Variants in DDX42 observed in about 807,000 individuals in gnomAD.
DDX42 encodes the protein ATP-dependent RNA helicase DDX42.
In DDX42, 22 loss-of-function variants were observed where a neutral mutation model predicts 101.5. That is an observed-to-expected ratio of 0.22 (90% confidence interval 0.15 to 0.31). The LOEUF is 0.31. Ranked by LOEUF, DDX42 falls within the 10% of genes least tolerant of loss-of-function variation. The pLI is 1.00. For synonymous variants in DDX42, 402 were observed against 401.2 expected, an observed-to-expected ratio of 1.00 and a Z score of -0.02; for missense variants, 849 against 1,199.9, an observed-to-expected ratio of 0.71 and a Z score of 4.32.
chr17:63,806,281 G>T, intron 7 of DDX42: 2 of 285,130 alleles, frequency 7.0e-6, no homozygotes, highest in Non-Finnish European at 1.3e-5. Context: ...AATTAATTTT[G>T]AGTTAAGAAA....
chr17:63,792,182 C>G (rs1265124113), intron 2 of DDX42, among the ~76,000 whole-genome samples: 1 of 152,098 alleles, frequency 6.6e-6, no homozygotes, highest in Non-Finnish European at 1.5e-5. Flanking sequence ...TGACTATACA[C>G]TATTGAAATG....
intron 15 of DDX42, among the ~76,000 whole-genome samples, chr17:63,814,226 A>G (rs778781311): frequency 1.3e-4 from 20 of 152,338 alleles, no homozygotes; most frequent in Admixed American, 9.8e-4. Context: ...GTGTGCTCCA[A>G]TCTAAAGCTA....
At chr17:63,776,309 T>G (rs2039420232) in intron 1 of DDX42, 1 of 152,312 alleles carries the variant, frequency 6.6e-6, no homozygotes, top group Non-Finnish European at 1.5e-5. Context: ...GTTCAGTCTT[T>G]CTCCCTGGAA....
chr17:63,818,312 A>G lies in DDX42; in HGVS notation c.2731A>G (p.Lys911Glu). 2.5e-6 allele frequency: 4 copies of G among 1,614,108 alleles called. No individual in the cohort carries two copies. Among genetic ancestry groups the G allele is most frequent in the Non-Finnish European group, 3.4e-6 (4 of 1,179,944 alleles). Residue 911 changes from lysine (K) to glutamate (E), a missense_variant, in exon 18 of 18, where the codon AAG becomes GAG. Lys to Glu is a moderately conservative substitution (Grantham distance 56). This residue lies in a region of DDX42 where 300 missense variants were observed against 304.9 expected (regional missense o/e 0.98). Transcript: ENST00000389924. ...CAAAGTGGACAGCAGCAAGATGGAC[A>G]AGGTGGACAGCAAGACAGATAAGAC... ...EPKVDSSKMDKVDSKTDKTAD... is the reference protein window; with the variant it reads ...EPKVDSSKMDEVDSKTDKTAD...
chr17:63,808,517 ATTGT>A (rs2039870003), intron 9 of DDX42, among the ~76,000 whole-genome samples: 1 of 152,018 alleles, frequency 6.6e-6, no homozygotes, highest in Non-Finnish European at 1.5e-5. Context: ...TGATATGGGG[ATTGT>A]TTGTATTATA....
intron 2 of DDX42, among the ~76,000 whole-genome samples, chr17:63,791,057 ATAAT>A (rs2039622326): frequency 1.3e-5 from 2 of 152,256 alleles, no homozygotes; most frequent in African/African-American, 4.8e-5. Flanking sequence ...AGCTTTTAAA[ATAAT>A]TCCTAGGAAG....
chr17:63,815,526 C>T, intron 15 of DDX42, 37 bp from the exon 16 acceptor site: 2 of 1,475,614 alleles, frequency 1.4e-6, no homozygotes, highest in South Asian at 1.2e-5. Flanking sequence ...TTCTTTTCTC[C>T]CTCCCTTGAC....
intron 16 of DDX42, chr17:63,815,955 A>T (rs1446009246): frequency 1.1e-5 from 2 of 184,658 alleles, no homozygotes; most frequent in Non-Finnish European, 2.2e-5. Flanking sequence ...GCACATGCAA[A>T]CTCATCCCCA....
At chr17:63,785,623 GAA>G (rs2039539408) in intron 1 of DDX42, among the ~76,000 whole-genome samples, 2 of 148,254 alleles carry the variant, frequency 1.3e-5, no homozygotes, top group African/African-American at 5.0e-5. Context: ...AAAAAAGAAA[GAA>G]AAGGTTTTTG....
At chr17:63,809,534 T>TA (rs1567743547) in intron 10 of DDX42, 26 bp from the exon 11 acceptor site, 1 of 1,590,884 alleles carries the variant, frequency 6.3e-7, no homozygotes, top group East Asian at 2.2e-5. Context: ...TAATTATACT[T>TA]ACTGTTCATT....
At chr17:63,795,876 T>C (rs1417842992) in intron 3 of DDX42, among the ~76,000 whole-genome samples, 2 of 152,226 alleles carry the variant, frequency 1.3e-5, no homozygotes, top group Non-Finnish European at 1.5e-5. Context: ...CCAAACCCCA[T>C]ATTCCTTATG....
At chr17:63,817,185 T>A in intron 17 of DDX42, 1 of 502,428 alleles carries the variant, frequency 2.0e-6, no homozygotes, top group Non-Finnish European at 3.5e-6. Context: ...GAGTCACACT[T>A]GGGGCCTGGG....
intron 2 of DDX42, among the ~76,000 whole-genome samples, chr17:63,790,761 A>G (rs2039617751): frequency 1.3e-5 from 2 of 152,214 alleles, no homozygotes; most frequent in Middle Eastern, 6.8e-3. Context: ...CTCCATCTCA[A>G]AAACAAAAAG....
chr17:63,789,952 G>GT (rs2039605534), intron 2 of DDX42, among the ~76,000 whole-genome samples: 2 of 152,146 alleles, frequency 1.3e-5, no homozygotes, highest in Admixed American at 1.3e-4. Flanking sequence ...TAGTGTTTAA[G>GT]TTTTAGCAAA....
rs779252323 is a variant in DDX42, at chr17:63,808,849, A to G, written c.1053A>G (p.Lys351=). 9 of 1,613,946 alleles carry G rather than the reference A, an allele frequency of 5.6e-6. No individual in the cohort carries two copies. The highest frequency in any genetic ancestry group is 7.6e-6 in the Non-Finnish European group (9 of 1,179,966). Residue 351 remains lysine (K), a synonymous_variant, in exon 10 of 18, where the codon AAA becomes AAG. Transcript: ENST00000389924. ...QIHAECKRFG[K]AYNLRSVAVY... is the part of the protein sequence containing the mutation. The stretch of plus-strand genomic sequence containing the variant: ...ATGCAGAATGTAAGCGGTTTGGAAA[A>G]GCATATAATCTTCGATCAGTGGCCG...
At chr17:63,781,317 A>G (rs1363981921) in intron 1 of DDX42, among the ~76,000 whole-genome samples, 1 of 152,106 alleles carries the variant, frequency 6.6e-6, no homozygotes. Context: ...TCCCAGGTTC[A>G]TGCCTTTCTC....
intron 1 of DDX42, among the ~76,000 whole-genome samples, chr17:63,779,737 CTCTT>C (rs935874800): frequency 5.3e-5 from 8 of 151,788 alleles, no homozygotes; most frequent in Non-Finnish European, 1.0e-4. Context: ...TTCTAGGTAT[CTCTT>C]TTTTTTTTCT....
Position 63,786,708 on chromosome 17 carries a change from C to T in DDX42, c.-16-326C>T, listed in dbSNP as rs1225428420. Among the ~76,000 whole-genome samples, 4 of 152,088 alleles carry T rather than the reference C, an allele frequency of 2.6e-5. No homozygotes were observed. In the East Asian group the frequency reaches 7.7e-4, roughly 29 times the overall value. On this transcript the variant is annotated intron_variant, in intron 1 of 17. Coordinates refer to ENST00000389924, the MANE Select transcript of DDX42 (RefSeq NM_203499.3). Reference sequence around the variant, plus strand: ...CTTTTTTGTTTTTGAGACGGAGTCTCGCTGTGTCGCCCAGGCTGGAGTGCA... The same window carrying T: ...CTTTTTTGTTTTTGAGACGGAGTCTTGCTGTGTCGCCCAGGCTGGAGTGCA...
chr17:63,787,910 T>TGG (rs201378253), intron 2 of DDX42, among the ~76,000 whole-genome samples: 1 of 130,718 alleles, frequency 7.7e-6, no homozygotes, highest in Non-Finnish European at 1.6e-5. Context: ...ATGTGGTTTT[T>TGG]TTTTTTTTTT....
Sources: gnomAD v4.1 joint callset for allele counts (sites outside exome capture counted in the v4.1 genomes callset) on GRCh38, gnomAD v4.1.1 for gene constraint, gnomAD v4.1.1 regional missense constraint, MANE v1.5 for transcripts, NCBI Gene and HGNC (gene_info 2026-07-23, HGNC 2026-07-21) for gene names.